RFX2: variants seen among roughly 807,000 people sequenced by gnomAD.
RFX2 encodes DNA-binding protein RFX2.
Under a neutral mutation model 87.8 loss-of-function variants are expected in RFX2, and 20 were observed. The observed-to-expected ratio is 0.23, with a 90% CI of 0.16 to 0.33. The LOEUF is 0.33. Among genes scored for constraint, RFX2 ranks in the 10% least tolerant of loss-of-function variants. The pLI, the probability that RFX2 is intolerant of heterozygous loss-of-function variation, is 1.00. For missense variants in RFX2, 767 were observed against 1,012.3 expected (o/e 0.76, Z 3.29); for synonymous variants, 397 against 431.3 (o/e 0.92, Z 0.98).
At position 6,007,854 on chromosome 19, in the gene RFX2, C is replaced by T; in HGVS notation, c.1135-52G>A. 8.1e-7 allele frequency: 1 copy of T among 1,228,964 alleles called. No homozygotes were observed. The highest frequency in any genetic ancestry group is 1.2e-6 in the Non-Finnish European group (1 of 853,140). 76.1% of individuals were successfully genotyped at this position (1,228,964 alleles called of 1,614,324 possible). ...GACGGGTGCGTGCGCCCATCACGTG[C>T]ACTCAGCACACGTCAAGTGAGCAGC... is the stretch of plus-strand genomic sequence containing the variant. On this transcript the variant is annotated intron_variant, in intron 10 of 17. Coordinates refer to ENST00000303657, the MANE Select transcript of RFX2 (RefSeq NM_000635.4). The surrounding 1 kb of genome is among the most constrained non-coding windows in gnomAD (Gnocchi z 8.2).
At chr19:6,034,652 G>A (rs1214497004) in intron 5 of RFX2, among the ~76,000 whole-genome samples, 1 of 152,160 alleles carries the variant, frequency 6.6e-6, no homozygotes, top group Non-Finnish European at 1.5e-5. Context: ...ATGAGCCACT[G>A]TGCCCAGGTG....
At position 6,051,931 on chromosome 19, in the gene RFX2, G is replaced by A. The variant is rs1203818180; in HGVS notation, c.-8-4427C>T. 6.6e-5 allele frequency among the ~76,000 whole-genome samples: 10 copies of A among 152,114 alleles called. No homozygotes were observed. In the East Asian group the frequency reaches 1.9e-3, roughly 29 times the overall value. ...CTCGCTCTGTTGCCCAGGCTGGAGTGCAGTGCCACAGTCTCAGCTCACTGC... is the reference window on the plus strand; with the variant it reads ...CTCGCTCTGTTGCCCAGGCTGGAGTACAGTGCCACAGTCTCAGCTCACTGC... On this transcript the variant is annotated intron_variant, in intron 1 of 17. Transcript: ENST00000303657.
rs1599835972 is a variant in RFX2 at position 5,999,326 on chromosome 19, G to A, written c.1860-2113C>T. Among the ~76,000 whole-genome samples the A allele has an allele frequency of 6.6e-6, 1 of 152,140 alleles. No individual in the cohort carries two copies. Among genetic ancestry groups the A allele is most frequent in the Non-Finnish European group, 1.5e-5 (1 of 68,040 alleles). On this transcript the variant is annotated intron_variant, in intron 15 of 17. Coordinates refer to ENST00000303657, the MANE Select transcript of RFX2 (RefSeq NM_000635.4). The surrounding 1 kb of genome is among the most constrained non-coding windows in gnomAD (Gnocchi z 4.1). ...CCCTTGTGAAGAGCACCCCCACCTT[G>A]CAGACGTGACCCCGATCCCCTCCAG... is the stretch of plus-strand genomic sequence containing the variant.
Position 6,042,140 on chromosome 19 carries a change from G to A in RFX2, c.181-17C>T, listed in dbSNP as rs375810378. 1.1e-5 allele frequency: 18 copies of A among 1,611,728 alleles called. No homozygotes were observed. The highest frequency in any genetic ancestry group is 3.3e-5 in the South Asian group (3 of 91,072). On this transcript the variant is annotated splice_polypyrimidine_tract_variant and intron_variant, in intron 3 of 17. Coordinates refer to ENST00000303657, the MANE Select transcript of RFX2 (RefSeq NM_000635.4). ...CGGCTGCACCTGAAACATCGGATAC[G>A]CTGCGTTACCGCCAGTCACGCCCTC...
chr19:6,044,129 T>G lies in RFX2; in HGVS notation c.180+64A>C. On this transcript the variant is annotated intron_variant, in intron 3 of 17. Transcript: ENST00000303657. This position sits in a 1 kb window ranked among gnomAD's most constrained non-coding sequence, Gnocchi z 5.3. ...AGAAAAGGATGCATCCTTCAGAGAT[T>G]GTTCTGGATTGCTGAGTGCTAACTG... The G allele has an allele frequency of 2.2e-6, 2 of 889,304 alleles. No homozygotes were observed. Among genetic ancestry groups the G allele is most frequent in the Non-Finnish European group, 3.1e-6 (2 of 648,574 alleles). The allele number at this position is 889,304 out of a possible 1,614,324, so 55.1% of individuals were successfully genotyped here.
At chr19:6,025,711 G>C (rs1333965742) in intron 6 of RFX2, among the ~76,000 whole-genome samples, 1 of 151,646 alleles carries the variant, frequency 6.6e-6, no homozygotes, top group African/African-American at 2.4e-5. Context: ...GCTGGATGTA[G>C]GATTCTAGAT....
In RFX2 at chr19:6,007,961, C is replaced by T. The variant is rs948286724; in HGVS notation, c.1134+145G>A. The T allele has an allele frequency of 4.8e-5, 38 of 786,696 alleles. No individual in the cohort carries two copies. Among genetic ancestry groups the T allele is most frequent in the African/African-American group, 3.4e-4 (20 of 58,648 alleles). The allele number at this position is 786,696 out of a possible 1,614,324, so 48.7% of individuals were successfully genotyped here. On this transcript the variant is annotated intron_variant, in intron 10 of 17. Coordinates refer to ENST00000303657, the MANE Select transcript of RFX2 (RefSeq NM_000635.4). This position sits in a 1 kb window ranked among gnomAD's most constrained non-coding sequence, Gnocchi z 8.2. Reference sequence around the variant, plus strand: ...GAGGAGCAGGCGATGGACATGGATGCGGAGGGGCTGCTGCTTCAGAGAGGA... The same window carrying T: ...GAGGAGCAGGCGATGGACATGGATGTGGAGGGGCTGCTGCTTCAGAGAGGA...
At chr19:6,079,136 T>TTCCTGTAAATTACCAAACTGTAA (rs1334968831) in intron 1 of RFX2, among the ~76,000 whole-genome samples, 1 of 152,230 alleles carries the variant, frequency 6.6e-6, no homozygotes, top group African/African-American at 2.4e-5. Flanking sequence ...GACATGCAGG[T>TTCCTGTAAATTACCAAACTGTAA]TCCTGTAAAT....
chr19:6,000,936 A>G (rs2086482561), intron 15 of RFX2, among the ~76,000 whole-genome samples: 1 of 152,070 alleles, frequency 6.6e-6, no homozygotes, highest in Non-Finnish European at 1.5e-5. Context: ...AAAAATGCAC[A>G]TTTTCCATGT....
rs550797660 is a variant in RFX2, at chr19:5,999,122, G to C, written c.1860-1909C>G. ...AATACAAAAATCAGCCAGGCCTGGT[G>C]GTGGGCACCTGTAATCCCAGCTATT... On this transcript the variant is annotated intron_variant, in intron 15 of 17. Coordinates refer to ENST00000303657, the MANE Select transcript of RFX2 (RefSeq NM_000635.4). This position sits in a 1 kb window ranked among gnomAD's most constrained non-coding sequence, Gnocchi z 4.1. 1.3e-5 allele frequency among the ~76,000 whole-genome samples: 2 copies of C among 152,292 alleles called. No homozygotes were observed. The highest frequency in any genetic ancestry group is 3.9e-4 in the East Asian group (2 of 5,176).
At chr19:6,069,633 G>T (rs979547675) in intron 1 of RFX2, among the ~76,000 whole-genome samples, 1 of 152,214 alleles carries the variant, frequency 6.6e-6, no homozygotes, top group Admixed American at 6.5e-5. Context: ...ATAAGCAAGT[G>T]GTGTCCTGAG....
In RFX2 at chr19:6,061,056, A is replaced by G. The variant is rs773321193; in HGVS notation, c.-8-13552T>C. Among the ~76,000 whole-genome samples, 61 of 152,242 alleles carry G rather than the reference A, an allele frequency of 4.0e-4. No individual in the cohort carries two copies. The highest frequency in any genetic ancestry group is 7.8e-4 in the Non-Finnish European group (53 of 68,008). On this transcript the variant is annotated intron_variant, in intron 1 of 17. Coordinates refer to ENST00000303657, the MANE Select transcript of RFX2 (RefSeq NM_000635.4). This position sits in a 1 kb window ranked among gnomAD's most constrained non-coding sequence, Gnocchi z 5.2. The stretch of plus-strand genomic sequence containing the variant: ...CAGGGGGCTGTTCAAGGCACTGGGC[A>G]TCTCCCTGCGCCCCGGGACACGTGT...
chr19:5,995,470 C>A (rs1204894792), intron 17 of RFX2, 131 bp downstream of exon 17: 3 of 886,124 alleles, frequency 3.4e-6, no homozygotes, highest in South Asian at 1.5e-5. Context: ...GATGACAGAT[C>A]CCAGGGCCCT....
rs369673101 is a variant in RFX2 at position 6,004,173 on chromosome 19, G to A, written c.1500+28C>T. 547 of 1,564,606 alleles carry A rather than the reference G, an allele frequency of 3.5e-4. No homozygotes were observed. The highest frequency in any genetic ancestry group is 4.9e-4 in the African/African-American group (36 of 73,996). On this transcript the variant is annotated intron_variant, in intron 13 of 17. Coordinates refer to ENST00000303657, the MANE Select transcript of RFX2 (RefSeq NM_000635.4). The surrounding 1 kb of genome is among the most constrained non-coding windows in gnomAD (Gnocchi z 4.8). ...CTGGAGCCCCTCCCAGCCATCGTTG[G>A]GGAGCCCAGGCCCCACCCCGGACGC...
In RFX2 at chr19:5,999,406, GCTCTT is replaced by G. The variant is rs1277899232; in HGVS notation, c.1860-2198_1860-2194del. ...GGCACCTCAGTCCTGCGCTCACTCT[GCTCTT>G]CTCAATTCTTCCGCTTGCAACCTTC... On this transcript the variant is annotated intron_variant, in intron 15 of 17. Coordinates refer to ENST00000303657, the MANE Select transcript of RFX2 (RefSeq NM_000635.4). The surrounding 1 kb of genome is among the most constrained non-coding windows in gnomAD (Gnocchi z 4.1). Among the ~76,000 whole-genome samples the G allele has an allele frequency of 6.6e-6, 1 of 152,034 alleles. No homozygotes were observed. The highest frequency in any genetic ancestry group is 1.5e-5 in the Non-Finnish European group (1 of 68,026).
Position 5,997,662 on chromosome 19 carries a change from G to A in RFX2, c.1860-449C>T, listed in dbSNP as rs2086433813. ...CTTCCCCGTATCCTTGCCACCTCCC[G>A]CCATTCCTCAGCCTGTGGTTTCAGG... On this transcript the variant is annotated intron_variant, in intron 15 of 17. Transcript: ENST00000303657. This position sits in a 1 kb window ranked among gnomAD's most constrained non-coding sequence, Gnocchi z 4.2. Among the ~76,000 whole-genome samples the A allele has an allele frequency of 2.0e-5, 3 of 152,082 alleles. No individual in the cohort carries two copies. Among genetic ancestry groups the A allele is most frequent in the Non-Finnish European group, 2.9e-5 (2 of 68,008 alleles).
rs538591598 is a variant in RFX2, at chr19:6,074,137, G to C, written c.-8-26633C>G. Among the ~76,000 whole-genome samples, 1 of 152,180 alleles carries C rather than the reference G, an allele frequency of 6.6e-6. No homozygotes were observed. Among genetic ancestry groups the C allele is most frequent in the South Asian group, 2.1e-4 (1 of 4,836 alleles). ...TCGGGAAGATGGAAAATGAATGAAG[G>C]GCAGCTCTGCCCAAAGCGGCGGACC... On this transcript the variant is annotated intron_variant, in intron 1 of 17. Coordinates refer to ENST00000303657, the MANE Select transcript of RFX2 (RefSeq NM_000635.4). This position sits in a 1 kb window ranked among gnomAD's most constrained non-coding sequence, Gnocchi z 5.2.
chr19:6,006,420 A>C (rs1293072699), intron 12 of RFX2, among the ~76,000 whole-genome samples: 1 of 148,258 alleles, frequency 6.7e-6, no homozygotes, highest in East Asian at 2.0e-4. Flanking sequence ...CAGCCTCCAG[A>C]GTAGCTAGGG....
rs1288472810 is a variant in RFX2 at position 6,047,181 on chromosome 19, T to G, written c.90+226A>C. On this transcript the variant is annotated intron_variant, in intron 2 of 17. Coordinates refer to ENST00000303657, the MANE Select transcript of RFX2 (RefSeq NM_000635.4). The surrounding 1 kb of genome is among the most constrained non-coding windows in gnomAD (Gnocchi z 4.2). Reference sequence around the variant, plus strand: ...GTCAGATTTGGGAGAGTGGTTTCTTTTCCATTCATGTCATTGTTTCCTTGA... The same window carrying G: ...GTCAGATTTGGGAGAGTGGTTTCTTGTCCATTCATGTCATTGTTTCCTTGA... Among the ~76,000 whole-genome samples the G allele has an allele frequency of 1.3e-5, 2 of 152,234 alleles. No individual in the cohort carries two copies. The highest frequency in any genetic ancestry group is 4.8e-5 in the African/African-American group (2 of 41,470).
Sources: allele counts gnomAD v4.1 joint callset (sites outside exome capture counted in the v4.1 genomes callset), GRCh38; gene constraint gnomAD v4.1.1; non-coding constraint Gnocchi (gnomAD v3.1); transcripts MANE v1.5; gene names NCBI Gene and HGNC (gene_info 2026-07-23, HGNC 2026-07-21).